RIMS2: variants seen among roughly 807,000 people sequenced by gnomAD.
RIMS2 encodes regulating synaptic membrane exocytosis protein 2.
RIMS2 carries 59 observed loss-of-function variants against 174.4 expected under a neutral mutation model. The ratio of observed to expected loss-of-function variants is 0.34; its 90% CI spans 0.27 to 0.42. The LOEUF is 0.42. Among genes scored for constraint, RIMS2 ranks in the 10% least tolerant of loss-of-function variants. The probability of loss-of-function intolerance (pLI) is 1.00; values close to 1 mark genes in which losing one functional copy is unlikely to be tolerated. For missense variants in RIMS2, 1,620 were observed against 1,666.3 expected (o/e 0.97, Z 0.48); for synonymous variants, 606 against 572.5 (o/e 1.06, Z -0.84).
chr8:104,122,294 G>C (rs979815074), intron 19 of RIMS2, among the ~76,000 whole-genome samples: 4 of 152,094 alleles, frequency 2.6e-5, no homozygotes, highest in Non-Finnish European at 5.9e-5. Flanking sequence ...ATTTGCACTG[G>C]TAATCTGAAG....
intron 1 of RIMS2, among the ~76,000 whole-genome samples, chr8:103,681,457 C>A (rs16870636): frequency 0.12 from 18,893 of 151,876 alleles, 1,273 homozygotes; most frequent in Middle Eastern, 0.22. Context: ...TTAATTAGAA[C>A]AAGAACCAAG....
chr8:103,816,682 A>G (rs2154469604), intron 3 of RIMS2, among the ~76,000 whole-genome samples: 1 of 152,310 alleles, frequency 6.6e-6, no homozygotes, highest in East Asian at 1.9e-4. Context: ...GGAAGAGATC[A>G]TTTCTGGGAT....
At chr8:104,197,837 A>G (rs1044660949) in intron 19 of RIMS2, among the ~76,000 whole-genome samples, 3 of 152,038 alleles carry the variant, frequency 2.0e-5, no homozygotes, top group African/African-American at 7.2e-5. Flanking sequence ...TCTGATTTCT[A>G]TTTAATCTTG....
chr8:103,672,843 T>G (rs1408755982), intron 1 of RIMS2, among the ~76,000 whole-genome samples: 11 of 152,154 alleles, frequency 7.2e-5, no homozygotes, highest in Admixed American at 7.2e-4. Context: ...ACATTGTAAC[T>G]TGTTCTATTG....
intron 1 of RIMS2, among the ~76,000 whole-genome samples, chr8:103,623,034 C>G (rs900581396): frequency 6.6e-6 from 1 of 152,126 alleles, no homozygotes. Context: ...CACTAACTGT[C>G]TCTGTTTGTT....
rs1349733543 is a variant in RIMS2 at position 103,936,754 on chromosome 8, T to C, written c.2547+32T>C. 11 of 1,508,924 alleles carry C rather than the reference T, an allele frequency of 7.3e-6. No individual in the cohort carries two copies. In the South Asian group the frequency reaches 9.8e-5, roughly 13 times the overall value. The allele number at this position is 1,508,924 out of a possible 1,614,324, so 93.5% of individuals were successfully genotyped here. On this transcript the variant is annotated intron_variant, in intron 13 of 23. Coordinates refer to ENST00000504942, the Ensembl canonical transcript of RIMS2. ...GGAGTTGTTTTAAAGTTTATGCTAT[T>C]CATGTTATCCTGAATACTTTTATTT...
At chr8:103,687,384 G>C (rs1468429108) in intron 1 of RIMS2, among the ~76,000 whole-genome samples, 1 of 149,778 alleles carries the variant, frequency 6.7e-6, no homozygotes, top group Non-Finnish European at 1.5e-5. Context: ...TTTCTTAAAT[G>C]CTTTTTTAAT....
chr8:104,167,047 T>C (rs1192843642), intron 19 of RIMS2, among the ~76,000 whole-genome samples: 1 of 152,240 alleles, frequency 6.6e-6, no homozygotes, highest in Non-Finnish European at 1.5e-5. Context: ...ATTTGTTCCA[T>C]ATCTTTGCCA....
intron 1 of RIMS2, among the ~76,000 whole-genome samples, chr8:103,558,571 A>G (rs2090965199): frequency 6.6e-6 from 1 of 152,068 alleles, no homozygotes; most frequent in South Asian, 2.1e-4. Context: ...CAAACCAATG[A>G]CTTATAGTAC....
chr8:103,983,448 T>A (rs1047492604), intron 16 of RIMS2, among the ~76,000 whole-genome samples: 9 of 152,200 alleles, frequency 5.9e-5, no homozygotes, highest in Admixed American at 2.6e-4. Flanking sequence ...AAAGCTATCC[T>A]GAGCAAAAAG....
chr8:103,628,180 A>G (rs746377225), intron 1 of RIMS2, among the ~76,000 whole-genome samples: 5 of 152,206 alleles, frequency 3.3e-5, no homozygotes, highest in Non-Finnish European at 7.3e-5. Context: ...GGCTGGTTCC[A>G]GACAAGTTGG....
chr8:104,223,794 G>A (rs781752670), intron 19 of RIMS2: 73 of 1,595,014 alleles, frequency 4.6e-5, no homozygotes, highest in Non-Finnish European at 5.7e-5. Context: ...GAAGAAGGAG[G>A]TGAGACACCC....
chr8:103,886,680 CT>C lies in RIMS2; in HGVS notation c.1624+465del, dbSNP rs997079514. On this transcript the variant is annotated intron_variant, in intron 4 of 23. Transcript: ENST00000504942. The stretch of plus-strand genomic sequence containing the variant: ...GTTAACCTTTTATTGTATTTTCTTT[CT>C]TTTTTTTCCTATGCATGTATGGTTT... Among the ~76,000 whole-genome samples the C allele has an allele frequency of 4.6e-5, 7 of 151,496 alleles. No individual in the cohort carries two copies. In the South Asian group the frequency reaches 1.0e-3, roughly 23 times the overall value.
chr8:103,877,350 T>C (rs938457942), intron 3 of RIMS2, among the ~76,000 whole-genome samples: 2 of 152,000 alleles, frequency 1.3e-5, no homozygotes, highest in African/African-American at 2.4e-5. Flanking sequence ...ATATCTTCTT[T>C]TGAGAATTGT....
intron 4 of RIMS2, among the ~76,000 whole-genome samples, chr8:103,908,569 G>A (rs750500659): frequency 2.6e-5 from 4 of 152,046 alleles, no homozygotes; most frequent in Admixed American, 6.6e-5. Context: ...TCCTCCAGTC[G>A]TCTCCATCTC....
intron 19 of RIMS2, among the ~76,000 whole-genome samples, chr8:104,061,531 T>C (rs2096989399): frequency 1.3e-5 from 2 of 151,556 alleles, no homozygotes; most frequent in South Asian, 4.1e-4. Flanking sequence ...TTATACATAC[T>C]TTCAATACCC....
chr8:104,033,545 G>T (rs1249236609), intron 19 of RIMS2, among the ~76,000 whole-genome samples: 1 of 151,540 alleles, frequency 6.6e-6, no homozygotes, highest in Non-Finnish European at 1.5e-5. Flanking sequence ...ACATTTTAAA[G>T]ATCTATTTTA....
At chr8:103,533,967 G>T (rs562489239) in intron 1 of RIMS2, among the ~76,000 whole-genome samples, 1 of 152,306 alleles carries the variant, frequency 6.6e-6, no homozygotes, top group Non-Finnish European at 1.5e-5. Flanking sequence ...TCAAATAGAA[G>T]TGTGATGGTC....
intron 4 of RIMS2, among the ~76,000 whole-genome samples, chr8:103,900,407 A>G (rs1234458627): frequency 3.9e-5 from 6 of 151,930 alleles, no homozygotes; most frequent in Admixed American, 3.3e-4. Flanking sequence ...TATTTTTAGT[A>G]AAGACAGGAT....
Sources: allele counts gnomAD v4.1 joint callset (sites outside exome capture counted in the v4.1 genomes callset), GRCh38; gene constraint gnomAD v4.1.1; transcripts MANE v1.5; gene names NCBI Gene and HGNC (gene_info 2026-07-23, HGNC 2026-07-21).